The following KIF1B variants were observed in gnomAD, a reference collection of about 807,000 sequenced individuals.
The protein encoded by KIF1B is kinesin-like protein KIF1B.
A neutral mutation model predicts 241.9 loss-of-function variants in KIF1B; 76 were observed. The observed-to-expected ratio is 0.31, with a 90% CI of 0.26 to 0.38. The LOEUF (loss-of-function observed/expected upper bound fraction) is 0.38, where lower values mean the gene tolerates loss of function less well. Ranked by LOEUF, KIF1B falls within the 10% of genes least tolerant of loss-of-function variation. The probability of loss-of-function intolerance (pLI) is 1.00; values close to 1 mark genes in which losing one functional copy is unlikely to be tolerated. For missense variants in KIF1B, 1,622 were observed against 2,271.4 expected, an observed-to-expected ratio of 0.71 and a Z score of 5.81; for synonymous variants, 750 against 796.7, an observed-to-expected ratio of 0.94 and a Z score of 0.99.
At chr1:10,314,989 A>G (rs1255611838) in intron 22 of KIF1B, among the ~76,000 whole-genome samples, 1 of 151,050 alleles carries the variant, frequency 6.6e-6, no homozygotes, top group African/African-American at 2.5e-5. Flanking sequence ...CATGTAATGT[A>G]TAGTTTTTCC....
intron 2 of KIF1B, among the ~76,000 whole-genome samples, chr1:10,240,200 C>T (rs1443472821): frequency 6.6e-6 from 1 of 151,932 alleles, no homozygotes; most frequent in East Asian, 1.9e-4. Flanking sequence ...CCACACCCTG[C>T]CAAACCTTAT....
Position 10,262,003 on chromosome 1 carries a change from C to T in KIF1B, c.429+33C>T. The T allele has an allele frequency of 2.1e-6, 3 of 1,427,984 alleles. 1 individual carries two copies. The South Asian group carries it at 3.4e-5, about 16-fold the overall frequency. 88.5% of individuals were successfully genotyped at this position (1,427,984 alleles called of 1,614,324 possible). A position where few individuals can be genotyped will look rare whatever the true frequency, so the allele number is the denominator to read the frequency against. On this transcript the variant is annotated intron_variant, in intron 5 of 48. Transcript: ENST00000676179. The stretch of plus-strand genomic sequence containing the variant: ...CAGCCGTGAGTTGACACCGTAAGCC[C>T]TTGTTTTCCATTCTCTCAAGCATCA...
intron 1 of KIF1B, among the ~76,000 whole-genome samples, chr1:10,222,838 G>A (rs1023714606): frequency 6.6e-6 from 1 of 152,230 alleles, no homozygotes; most frequent in Non-Finnish European, 1.5e-5. Context: ...AACTCAGGCT[G>A]TGTAAGTGAT....
chr1:10,329,543 G>GCCAA (rs1651842395), intron 27 of KIF1B, among the ~76,000 whole-genome samples: 1 of 152,154 alleles, frequency 6.6e-6, no homozygotes, highest in African/African-American at 2.4e-5. Flanking sequence ...AACCAGCCTG[G>GCCAA]CCAACATGGT....
chr1:10,218,945 A>G (rs1458131036), intron 1 of KIF1B, among the ~76,000 whole-genome samples: 1 of 152,184 alleles, frequency 6.6e-6, no homozygotes, highest in Non-Finnish European at 1.5e-5. Context: ...AAATAAGTAA[A>G]AATTTATGTA....
chr1:10,370,191 G>T (rs577019419), intron 44 of KIF1B, among the ~76,000 whole-genome samples: 2 of 151,876 alleles, frequency 1.3e-5, no homozygotes, highest in Non-Finnish European at 2.9e-5. Flanking sequence ...TGGAGGTTGC[G>T]GTGAGCCAAG....
At chr1:10,330,578 G>C (rs905732019) in intron 27 of KIF1B, among the ~76,000 whole-genome samples, 1 of 151,834 alleles carries the variant, frequency 6.6e-6, no homozygotes, top group Non-Finnish European at 1.5e-5. Context: ...TCCATTATGA[G>C]GTGGCTCTGA....
At chr1:10,356,554 T>C (rs1442580500) in intron 38 of KIF1B, among the ~76,000 whole-genome samples, 1 of 151,552 alleles carries the variant, frequency 6.6e-6, no homozygotes, top group African/African-American at 2.4e-5. Flanking sequence ...GGGGTGTTGC[T>C]TTGTTGCCCA....
chr1:10,277,861 G>A (rs1649198782), intron 12 of KIF1B, 125 bp from the exon 13 acceptor site: 1 of 831,094 alleles, frequency 1.2e-6, no homozygotes, highest in African/African-American at 1.7e-5. Flanking sequence ...TTATACAAAT[G>A]TATTATTATC....
chr1:10,276,268 A>G, intron 11 of KIF1B, 53 bp from the exon 12 acceptor site: 7 of 1,198,106 alleles, frequency 5.8e-6, no homozygotes, highest in Non-Finnish European at 7.5e-6. Flanking sequence ...ACATTCCATA[A>G]AATTTTTCTT....
Position 10,363,305 on chromosome 1 carries a change from G to A in KIF1B, c.4327G>A (p.Glu1443Lys), listed in dbSNP as rs2102347497. ...PDSNRVTGIY[E>K]LSLCKMSDTG... ...TAGGAATCGAGTCACTGGCATTTACGAACTCAGCTTATGCAAAATGTCAGA... is the reference window on the plus strand; with the variant it reads ...TAGGAATCGAGTCACTGGCATTTACAAACTCAGCTTATGCAAAATGTCAGA... The change falls in exon 41 of 49, where the codon GAA (glutamate) becomes AAA (lysine). Residue 1443 changes from glutamate to lysine, a missense_variant. Transcript: ENST00000676179. The A allele has an allele frequency of 5.6e-6, 9 of 1,613,486 alleles. No homozygotes were observed. Among genetic ancestry groups the A allele is most frequent in the Non-Finnish European group, 7.6e-6 (9 of 1,179,476 alleles).
chr1:10,306,278 T>TTAC, intron 22 of KIF1B: 1 of 1,044,720 alleles, frequency 9.6e-7, no homozygotes, highest in Non-Finnish European at 1.2e-6. Flanking sequence ...CTGTAATGGG[T>TTAC]TGAGTTACTG....
At chr1:10,305,889 T>A in intron 22 of KIF1B, 1 of 1,053,020 alleles carries the variant, frequency 9.5e-7, no homozygotes, top group Non-Finnish European at 1.1e-6. Flanking sequence ...GCCAGAGATG[T>A]CCGAAATTGC....
intron 22 of KIF1B, chr1:10,304,171 G>A: frequency 6.2e-7 from 1 of 1,614,118 alleles, no homozygotes; most frequent in Non-Finnish European, 8.5e-7. Flanking sequence ...AGACGATGAA[G>A]CAAGGAAAGG....
chr1:10,239,570 A>G (rs1258641444), intron 2 of KIF1B, among the ~76,000 whole-genome samples: 1 of 151,944 alleles, frequency 6.6e-6, no homozygotes. Context: ...GTGTTCCTAG[A>G]TATTGAACCG....
intron 44 of KIF1B, among the ~76,000 whole-genome samples, chr1:10,368,933 C>G (rs1467174723): frequency 6.6e-6 from 1 of 152,186 alleles, no homozygotes; most frequent in Non-Finnish European, 1.5e-5. Context: ...CAGAGAATTT[C>G]TGTGTTATTC....
intron 26 of KIF1B, 100 bp downstream of exon 26, chr1:10,324,995 AG>A (rs1651675278): frequency 7.6e-7 from 1 of 1,307,234 alleles, no homozygotes; most frequent in Non-Finnish European, 1.1e-6. Flanking sequence ...GGAAAAAAAA[AG>A]GTGTAAAAAG....
intron 22 of KIF1B, among the ~76,000 whole-genome samples, chr1:10,301,495 A>G (rs143375051): frequency 0.017 from 2,619 of 152,152 alleles, 86 homozygotes; most frequent in African/African-American, 0.06. Flanking sequence ...GTGAAACCCC[A>G]TCTCTACCAA....
At chr1:10,262,041 C>T in intron 5 of KIF1B, 71 bp downstream of exon 5, 6 of 992,594 alleles carry the variant, frequency 6.0e-6, no homozygotes, top group Non-Finnish European at 9.7e-6. Flanking sequence ...TAAATGGCTC[C>T]AAATTATGAC....
Sources: gnomAD v4.1 joint callset for allele counts (sites outside exome capture counted in the v4.1 genomes callset) on GRCh38, gnomAD v4.1.1 for gene constraint, MANE v1.5 for transcripts, NCBI Gene and HGNC (gene_info 2026-07-23, HGNC 2026-07-21) for gene names.